SLC25A26: variants seen among roughly 807,000 people sequenced by gnomAD.
SLC25A26 encodes mitochondrial S-adenosylmethionine carrier protein.
In SLC25A26, 36 loss-of-function variants were observed where a neutral mutation model predicts 37.8. That is an observed-to-expected ratio of 0.95 (90% CI 0.73 to 1.26). The LOEUF (loss-of-function observed/expected upper bound fraction) is 1.26. Ranked by LOEUF, SLC25A26 falls within the 50% of genes most tolerant of loss-of-function variation. The pLI, the probability that SLC25A26 is intolerant of heterozygous loss-of-function variation, is 0.00. For synonymous variants in SLC25A26, 129 were observed against 122.5 expected (o/e 1.05, Z -0.35); for missense variants, 390 against 331.1 (o/e 1.18, Z -1.38).
chr3:66,291,691 ACATTTG>A (rs2074714923), intron 5 of SLC25A26, among the ~76,000 whole-genome samples: 1 of 151,998 alleles, frequency 6.6e-6, no homozygotes, highest in African/African-American at 2.4e-5. Context: ...CCATTTTTTT[ACATTTG>A]CTGAGGAGTG....
chr3:66,316,269 T>C (rs1241110052), intron 5 of SLC25A26, among the ~76,000 whole-genome samples: 2 of 152,224 alleles, frequency 1.3e-5, no homozygotes, highest in Non-Finnish European at 2.9e-5. Context: ...TTCCTTTCCA[T>C]ATTTAGTGCT....
chr3:66,283,787 G>T (rs72902913), intron 5 of SLC25A26, among the ~76,000 whole-genome samples: 2,232 of 152,196 alleles, frequency 0.015, 63 homozygotes, highest in African/African-American at 0.05. Context: ...TTGCAAAAAA[G>T]AACCACACAT....
At position 66,306,909 on chromosome 3, in the gene SLC25A26, A is replaced by T. The variant is rs150952225; in HGVS notation, c.454-39455A>T. ...ATTTTCTTTATCCAGTCTATCATTGATGGGCATTTGGGTTGGTTCCAAGTC... is the reference window on the plus strand; with the variant it reads ...ATTTTCTTTATCCAGTCTATCATTGTTGGGCATTTGGGTTGGTTCCAAGTC... On this transcript the variant is annotated intron_variant, in intron 5 of 9. Transcript: ENST00000354883. 4.9e-3 allele frequency among the ~76,000 whole-genome samples: 750 copies of T among 152,266 alleles called. 11 individuals carry two copies. The highest frequency in any genetic ancestry group is 0.013 in the African/African-American group (551 of 41,554).
chr3:66,248,045 T>C (rs1396075015), intron 3 of SLC25A26, among the ~76,000 whole-genome samples: 1 of 152,266 alleles, frequency 6.6e-6, no homozygotes, highest in Non-Finnish European at 1.5e-5. Context: ...GATAGATTAT[T>C]ATGTTAGACA....
chr3:66,318,287 C>A (rs573609682), intron 5 of SLC25A26, among the ~76,000 whole-genome samples: 1 of 152,304 alleles, frequency 6.6e-6, no homozygotes, highest in East Asian at 1.9e-4. Context: ...GTGCTTAGGA[C>A]CCAAGGCCCT....
chr3:66,288,993 T>C (rs562812375), intron 5 of SLC25A26, among the ~76,000 whole-genome samples: 2 of 152,302 alleles, frequency 1.3e-5, no homozygotes, highest in East Asian at 3.9e-4. Flanking sequence ...CATCTGTTGT[T>C]TCCTGACTTT....
intron 5 of SLC25A26, among the ~76,000 whole-genome samples, chr3:66,308,227 A>G (rs2107589678): frequency 6.6e-6 from 1 of 152,100 alleles, no homozygotes; most frequent in South Asian, 2.1e-4. Context: ...ATCTCTTGTA[A>G]GTTGTATTCC....
intron 6 of SLC25A26, among the ~76,000 whole-genome samples, chr3:66,353,270 C>A (rs959797855): frequency 6.6e-6 from 1 of 152,050 alleles, no homozygotes; most frequent in African/African-American, 2.4e-5. Context: ...GAACAGCCAA[C>A]ATTTTTCAAA....
intron 5 of SLC25A26, among the ~76,000 whole-genome samples, chr3:66,318,846 C>G (rs921136585): frequency 1.3e-5 from 2 of 152,032 alleles, no homozygotes; most frequent in Non-Finnish European, 2.9e-5. Context: ...GATGGTATCT[C>G]TCTTTGTTGC....
chr3:66,166,403 C>T (rs1455340701), intron 1 of SLC25A26, among the ~76,000 whole-genome samples: 2 of 152,142 alleles, frequency 1.3e-5, no homozygotes, highest in Non-Finnish European at 2.9e-5. Flanking sequence ...TTTCTTTTTC[C>T]TCCTTTAGTT....
chr3:66,313,386 C>G (rs376191481), intron 5 of SLC25A26, among the ~76,000 whole-genome samples: 1 of 152,220 alleles, frequency 6.6e-6, no homozygotes, highest in African/African-American at 2.4e-5. Flanking sequence ...AATCCTTTCC[C>G]CATTGCTTGT....
At chr3:66,366,515 G>A (rs558068415) in intron 7 of SLC25A26, among the ~76,000 whole-genome samples, 1 of 152,272 alleles carries the variant, frequency 6.6e-6, no homozygotes, top group East Asian at 1.9e-4. Flanking sequence ...GTAAAGTTAG[G>A]ACCTATTGAA....
intron 5 of SLC25A26, among the ~76,000 whole-genome samples, chr3:66,288,015 A>G (rs150433528): frequency 6.6e-6 from 1 of 152,364 alleles, no homozygotes; most frequent in East Asian, 1.9e-4. Flanking sequence ...TTTATAGAGT[A>G]AGTGTAGGGT....
chr3:66,187,149 G>A (rs2070844761), intron 1 of SLC25A26, among the ~76,000 whole-genome samples: 1 of 151,146 alleles, frequency 6.6e-6, no homozygotes, highest in African/African-American at 2.4e-5. Context: ...ACCTTACCCT[G>A]AACTGTTTTG....
intron 5 of SLC25A26, among the ~76,000 whole-genome samples, chr3:66,298,800 G>A (rs1274374527): frequency 6.6e-6 from 1 of 152,212 alleles, no homozygotes; most frequent in Non-Finnish European, 1.5e-5. Context: ...AAGCATTACA[G>A]GATGACGTTG....
At chr3:66,235,348 C>A (rs907872936) in intron 1 of SLC25A26, among the ~76,000 whole-genome samples, 5 of 152,098 alleles carry the variant, frequency 3.3e-5, no homozygotes, top group African/African-American at 1.2e-4. Context: ...CCCCAAAATC[C>A]ATTTAGCAGA....
In SLC25A26 at chr3:66,195,758, G is replaced by A. The variant is rs2071035669; in HGVS notation, c.-353-24984G>A. 3.3e-5 allele frequency among the ~76,000 whole-genome samples: 5 copies of A among 152,340 alleles called. No homozygotes were observed. The South Asian group carries it at 1.0e-3, about 32-fold the overall frequency. On this transcript the variant is annotated intron_variant, in intron 1 of 10. Coordinates refer to the SLC25A26 transcript ENST00000676754. ...TATCCAAAGGAGTCTCAAAAGAATG[G>A]TTGAAGAATATGCAAAAAGCATTGA... is the stretch of plus-strand genomic sequence containing the variant.
At chr3:66,316,376 C>T (rs2075539595) in intron 5 of SLC25A26, among the ~76,000 whole-genome samples, 1 of 152,134 alleles carries the variant, frequency 6.6e-6, no homozygotes, top group Non-Finnish European at 1.5e-5. Flanking sequence ...GCTTATGAGG[C>T]TTACTTTGGC....
In SLC25A26 at chr3:66,288,474, G is replaced by C. The variant is rs115896596; in HGVS notation, c.453+25095G>C. 3.3e-3 allele frequency among the ~76,000 whole-genome samples: 505 copies of C among 152,096 alleles called. 3 individuals carry two copies. Among genetic ancestry groups the C allele is most frequent in the African/African-American group, 0.012 (479 of 41,498 alleles). On this transcript the variant is annotated intron_variant, in intron 5 of 9. Transcript: ENST00000354883. ...TTATCCTGATGCTATCCCTCCTGTA[G>C]CCATCCCCTACCCCTCGACAGGCCC...
Sources: gnomAD v4.1 joint callset for allele counts (sites outside exome capture counted in the v4.1 genomes callset) on GRCh38, gnomAD v4.1.1 for gene constraint, MANE v1.5 for transcripts, NCBI Gene and HGNC (gene_info 2026-07-23, HGNC 2026-07-21) for gene names.